The following RPP38 variants were observed in gnomAD, a reference collection of about 807,000 sequenced individuals.
RPP38 encodes ribonuclease P protein subunit p38.
A neutral mutation model predicts 1.7 loss-of-function variants in RPP38; 2 were observed. The ratio of observed to expected loss-of-function variants is 1.18; its 90% CI spans 0.48 to 3.70. RPP38 has a LOEUF of 3.70. Ranked by LOEUF, RPP38 falls within the 30% of genes most tolerant of loss-of-function variation. The pLI is 0.07. For synonymous variants in RPP38, 151 were observed against 131.8 expected, an observed-to-expected ratio of 1.15 and a Z score of -1.00; for missense variants, 358 against 340.1, an observed-to-expected ratio of 1.05 and a Z score of -0.41.
At chr10:15,098,278 G>C (rs1845008377) in intron 1 of RPP38, among the ~76,000 whole-genome samples, 1 of 139,398 alleles carries the variant, frequency 7.2e-6, no homozygotes, top group Admixed American at 7.5e-5. Flanking sequence ...AGGCTGGAGT[G>C]CAGTGGCGCG....
chr10:15,100,939 C>T (rs956681564), intron 1 of RPP38, among the ~76,000 whole-genome samples: 11 of 152,172 alleles, frequency 7.2e-5, no homozygotes, highest in African/African-American at 2.7e-4. Context: ...CCTTGGGCTC[C>T]CAATGTGCTT....
rs1326413090 is a variant in RPP38 at position 15,103,638 on chromosome 10, C to T, written c.324C>T (p.His108=). Reference sequence around the variant, plus strand: ...AAGTGTCAGGGTGGACGCCTGCACACGTCAGGAAGCAGCTTGCCATTGGCG... The same window carrying T: ...AAGTGTCAGGGTGGACGCCTGCACATGTCAGGAAGCAGCTTGCCATTGGCG... ...KQQVSGWTPA[H]VRKQLAIGVN... Residue 108 remains histidine, a synonymous_variant, in exon 3 of 3, where the codon CAC becomes CAT. Transcript: ENST00000378197. 12 of 1,613,958 alleles carry T rather than the reference C, an allele frequency of 7.4e-6. No homozygotes were observed. Among genetic ancestry groups the T allele is most frequent in the South Asian group, 1.1e-5 (1 of 91,074 alleles).
chr10:15,103,544 G>A lies in RPP38; in HGVS notation c.230G>A (p.Arg77Lys), dbSNP rs141142473. The A allele has an allele frequency of 8.3e-5, 134 of 1,614,014 alleles. No individual in the cohort carries two copies. The highest frequency in any genetic ancestry group is 1.1e-4 in the Non-Finnish European group (127 of 1,180,036). The stretch of plus-strand genomic sequence containing the variant: ...ACACCTTTTCTGAAAAAAGAAAGCA[G>A]AGAGAAATGCAGCATTGCTGTTGAT... ...NKTPFLKKESREKCSIAVDIS... is the reference protein window; with the variant it reads ...NKTPFLKKESKEKCSIAVDIS... Residue 77 changes from arginine to lysine, a missense_variant, in exon 3 of 3, where the codon AGA (arginine) becomes AAA (lysine). Physicochemically the swap from Arg to Lys is conservative, Grantham distance 26 (BLOSUM62 2). Coordinates refer to ENST00000378197, the MANE Select transcript of RPP38 (RefSeq NM_183005.5).
In RPP38 at chr10:15,103,818, C is replaced by T. The variant is rs376150184; in HGVS notation, c.504C>T (p.Ile168=). The part of the protein sequence containing the change: ...ACQVPRLSER[I]APVIGLKCVL... Reference sequence around the variant, plus strand: ...AGGTCCCCCGGCTCAGTGAGAGAATCGCCCCCGTCATTGGCTTAAAATGTG... The same window carrying T: ...AGGTCCCCCGGCTCAGTGAGAGAATTGCCCCCGTCATTGGCTTAAAATGTG... Residue 168 remains isoleucine, a synonymous_variant, in exon 3 of 3, where the codon ATC becomes ATT. Transcript: ENST00000378197. The T allele has an allele frequency of 2.9e-5, 47 of 1,613,942 alleles. No homozygotes were observed. The East Asian group carries it at 5.1e-4, about 18-fold the overall frequency.
In RPP38 at chr10:15,103,371, GGTTGTGAAGAC is replaced by G; in HGVS notation, c.60_70del (p.Lys22GlufsTer24). ...GATCTCTCCGTAAGACGAGACCTCTGGTTGTGAAGACGTCGTTGAACAACCCATACATCATC... is the reference window on the plus strand; with the variant it reads ...GATCTCTCCGTAAGACGAGACCTCTGGTCGTTGAACAACCCATACATCATC... On this transcript the variant is annotated frameshift_variant, in exon 3 of 3. Coordinates refer to ENST00000378197, the MANE Select transcript of RPP38 (RefSeq NM_183005.5). LOFTEE classifies it low-confidence loss of function (END_TRUNC). The G allele has an allele frequency of 6.2e-7, 1 of 1,612,854 alleles. No homozygotes were observed. The highest frequency in any genetic ancestry group is 1.1e-5 in the South Asian group (1 of 90,564).
In RPP38 at chr10:15,103,629, G is replaced by A. The variant is rs1432093663; in HGVS notation, c.315G>A (p.Thr105=). 7 of 1,613,988 alleles carry A rather than the reference G, an allele frequency of 4.3e-6. No individual in the cohort carries two copies. Among genetic ancestry groups the A allele is most frequent in the South Asian group, 2.2e-5 (2 of 91,082 alleles). Reference sequence around the variant, plus strand: ...CTAAGCAGCAAGTGTCAGGGTGGACGCCTGCACACGTCAGGAAGCAGCTTG... The same window carrying A: ...CTAAGCAGCAAGTGTCAGGGTGGACACCTGCACACGTCAGGAAGCAGCTTG... ...TDAKQQVSGW[T]PAHVRKQLAI... is the part of the protein sequence containing the mutation. Residue 105 remains threonine (T), a synonymous_variant, in exon 3 of 3, where the codon ACG becomes ACA. Transcript: ENST00000378197.
Position 15,103,436 on chromosome 10 carries a change from T to C in RPP38, c.122T>C (p.Met41Thr). 3 of 1,614,238 alleles carry C rather than the reference T, an allele frequency of 1.9e-6. No individual in the cohort carries two copies. The highest frequency in any genetic ancestry group is 2.5e-6 in the Non-Finnish European group (3 of 1,180,034). Residue 41 changes from methionine (M) to threonine (T), a missense_variant, in exon 3 of 3, where the codon ATG becomes ACG. Physicochemically the swap from Met to Thr is moderately conservative, Grantham distance 81 (BLOSUM62 -1). Transcript: ENST00000378197. Reference sequence around the variant, plus strand: ...TGGAGCGCTCTGGAGAGCGAGGATATGCACTTCATCCTACAGACGCTTGAG... The same window carrying C: ...TGGAGCGCTCTGGAGAGCGAGGATACGCACTTCATCCTACAGACGCTTGAG... ...IRWSALESED[M>T]HFILQTLEDR... is the part of the protein sequence containing the mutation.
chr10:15,098,650 G>A (rs1264842962), intron 1 of RPP38, among the ~76,000 whole-genome samples: 9 of 150,986 alleles, frequency 6.0e-5, no homozygotes, highest in African/African-American at 1.9e-4. Context: ...CACTTTGGGA[G>A]GCCGAGGCGG....
chr10:15,099,891 C>T (rs916592145), intron 1 of RPP38, among the ~76,000 whole-genome samples: 2 of 152,166 alleles, frequency 1.3e-5, no homozygotes, highest in African/African-American at 4.8e-5. Flanking sequence ...CCCAGAAGTT[C>T]AAGGCTGCAG....
At chr10:15,100,814 G>T (rs1229228234) in intron 1 of RPP38, among the ~76,000 whole-genome samples, 1 of 152,070 alleles carries the variant, frequency 6.6e-6, no homozygotes, top group Admixed American at 6.6e-5. Flanking sequence ...CAAGTAGCTG[G>T]GATTACAGGC....
chr10:15,103,564 G>A lies in RPP38; in HGVS notation c.250G>A (p.Val84Ile). ...AAGCAGAGAGAAATGCAGCATTGCT[G>A]TTGATATTAGTGAGAATCTGAAGGA... The part of the protein sequence containing the change: ...KESREKCSIA[V>I]DISENLKEKK... Residue 84 changes from valine to isoleucine, a missense_variant, in exon 3 of 3, where the codon GTT (valine) becomes ATT (isoleucine). Coordinates refer to ENST00000378197, the MANE Select transcript of RPP38 (RefSeq NM_183005.5). 6.2e-7 allele frequency: 1 copy of A among 1,614,118 alleles called. No homozygotes were observed. The highest frequency in any genetic ancestry group is 8.5e-7 in the Non-Finnish European group (1 of 1,180,024).
At chr10:15,100,301 C>G (rs993584851) in intron 1 of RPP38, among the ~76,000 whole-genome samples, 2 of 152,148 alleles carry the variant, frequency 1.3e-5, no homozygotes, top group African/African-American at 2.4e-5. Context: ...CCCCCTGTCA[C>G]TTATTTCCCT....
intron 2 of RPP38, 59 bp from the exon 3 acceptor site, chr10:15,103,246 T>TA: frequency 7.2e-7 from 1 of 1,386,866 alleles, no homozygotes; most frequent in Non-Finnish European, 9.8e-7. Flanking sequence ...AAGATATTCT[T>TA]AAGTCATGCA....
intron 1 of RPP38, among the ~76,000 whole-genome samples, chr10:15,100,928 G>A (rs575313577): frequency 5.3e-5 from 8 of 152,274 alleles, no homozygotes; most frequent in African/African-American, 1.4e-4. Context: ...TGATCCGCCC[G>A]CCTTGGGCTC....
At chr10:15,101,025 A>G (rs1253291037) in intron 1 of RPP38, among the ~76,000 whole-genome samples, 1 of 152,174 alleles carries the variant, frequency 6.6e-6, no homozygotes, top group Non-Finnish European at 1.5e-5. Context: ...CTTATTATTG[A>G]AGATTCCAAT....
chr10:15,098,510 C>T (rs2131415654), intron 1 of RPP38, among the ~76,000 whole-genome samples: 1 of 151,304 alleles, frequency 6.6e-6, no homozygotes, highest in Middle Eastern at 3.4e-3. Context: ...GCGTGAGCCA[C>T]CTCGCCAGCC....
In RPP38 at chr10:15,103,589, A is replaced by G. The variant is rs1454815817; in HGVS notation, c.275A>G (p.Glu92Gly). ...GTTGATATTAGTGAGAATCTGAAGG[A>G]GAAGAAAACAGATGCTAAGCAGCAA... ...IAVDISENLK[E>G]KKTDAKQQVS... The change falls in exon 3 of 3, where the codon GAG becomes GGG. Residue 92 changes from glutamate to glycine, a missense_variant. By Grantham distance (98) the Glu-to-Gly change is moderately conservative. Coordinates refer to ENST00000378197, the MANE Select transcript of RPP38 (RefSeq NM_183005.5). 1 of 1,614,032 alleles carries G rather than the reference A, an allele frequency of 6.2e-7. No homozygotes were observed. Among genetic ancestry groups the G allele is most frequent in the African/African-American group, 1.3e-5 (1 of 74,942 alleles).
chr10:15,097,580 C>G lies in RPP38; in HGVS notation c.-316C>G, dbSNP rs951600383. On this transcript the variant is annotated 5_prime_UTR_variant, in exon 1 of 3. Coordinates refer to ENST00000378197, the MANE Select transcript of RPP38 (RefSeq NM_183005.5). ...CGCCCTCCCGGTTGGGCCGCCCAGT[C>G]CCGGGCCGGGCGCGTGCACCCAGAG... 1 of 152,334 alleles carries G rather than the reference C, an allele frequency of 6.6e-6. No homozygotes were observed. Among genetic ancestry groups the G allele is most frequent in the Non-Finnish European group, 1.5e-5 (1 of 68,092 alleles). The allele number at this position is 152,334 out of a possible 1,614,324, so 9.4% of individuals were successfully genotyped here.
intron 1 of RPP38, among the ~76,000 whole-genome samples, chr10:15,101,435 G>A (rs762460241): frequency 6.6e-5 from 10 of 152,146 alleles, no homozygotes; most frequent in African/African-American, 9.7e-5. Context: ...CCTCTGGGAA[G>A]GATAAAAGGA....
Sources: allele counts gnomAD v4.1 joint callset (sites outside exome capture counted in the v4.1 genomes callset), GRCh38; gene constraint gnomAD v4.1.1; transcripts MANE v1.5; gene names NCBI Gene and HGNC (gene_info 2026-07-23, HGNC 2026-07-21).